The following THSD7B variants were observed in gnomAD, a reference collection of about 807,000 sequenced individuals.
THSD7B encodes the protein thrombospondin type-1 domain-containing protein 7B.
THSD7B carries 138 observed loss-of-function variants against 213.6 expected under a neutral mutation model. The ratio of observed to expected loss-of-function variants is 0.65; its 90% CI spans 0.56 to 0.74. The LOEUF (loss-of-function observed/expected upper bound fraction) is 0.74. THSD7B is among the 30% of genes least tolerant of loss of function. THSD7B has a pLI of 0.00. For missense variants in THSD7B, 1,931 were observed against 1,991.5 expected, an observed-to-expected ratio of 0.97 and a Z score of 0.58; for synonymous variants, 742 against 687.0, an observed-to-expected ratio of 1.08 and a Z score of -1.25.
chr2:136,962,834 A>T (rs140383259), intron 2 of THSD7B, among the ~76,000 whole-genome samples: 1 of 152,342 alleles, frequency 6.6e-6, no homozygotes, highest in Non-Finnish European at 1.5e-5. Context: ...AGGAATTAGA[A>T]GTTTGTGGGG....
chr2:137,050,679 T>C (rs1687055299), intron 2 of THSD7B, among the ~76,000 whole-genome samples: 1 of 152,232 alleles, frequency 6.6e-6, no homozygotes, highest in Admixed American at 6.5e-5. Context: ...CTGTTGAATT[T>C]TTCTGAGATT....
At chr2:137,318,784 A>ATTTT (rs1207683647) in intron 12 of THSD7B, among the ~76,000 whole-genome samples, 2 of 81,424 alleles carry the variant, frequency 2.5e-5, no homozygotes, top group African/African-American at 7.6e-5. Context: ...AGGAATGCTT[A>ATTTT]TCTTTTTTTT....
intron 16 of THSD7B, among the ~76,000 whole-genome samples, chr2:137,564,904 A>G (rs79017309): frequency 0.023 from 3,566 of 152,284 alleles, 126 homozygotes; most frequent in African/African-American, 0.08. Context: ...TGTCTAAGTT[A>G]GAACCCTCAG....
chr2:137,460,007 C>T (rs1687853894), intron 15 of THSD7B, among the ~76,000 whole-genome samples: 1 of 152,140 alleles, frequency 6.6e-6, no homozygotes, highest in African/African-American at 2.4e-5. Context: ...CATGGAAAAA[C>T]TTTTCTCTGC....
At chr2:137,588,135 G>C (rs759570518) in intron 17 of THSD7B, among the ~76,000 whole-genome samples, 1 of 152,226 alleles carries the variant, frequency 6.6e-6, no homozygotes, top group Non-Finnish European at 1.5e-5. Context: ...CTCCGAGCCA[G>C]GCACGGGATA....
intron 2 of THSD7B, among the ~76,000 whole-genome samples, chr2:137,049,078 A>G (rs1573788921): frequency 1.3e-5 from 2 of 152,246 alleles, no homozygotes; most frequent in African/African-American, 2.4e-5. Context: ...TTGTAAGTAA[A>G]GTCAAAGTTG....
intron 2 of THSD7B, among the ~76,000 whole-genome samples, chr2:136,959,129 T>C (rs1685177355): frequency 6.6e-6 from 1 of 152,224 alleles, no homozygotes; most frequent in Non-Finnish European, 1.5e-5. Context: ...GGTTAGACAC[T>C]ACCTAGGGAT....
intron 21 of THSD7B, among the ~76,000 whole-genome samples, chr2:137,648,935 T>C (rs1009064169): frequency 1.3e-5 from 2 of 152,236 alleles, no homozygotes; most frequent in Non-Finnish European, 2.9e-5. Flanking sequence ...CATCTATTAT[T>C]ACCTGTCTTT....
At chr2:137,314,820 G>A (rs939698352) in intron 12 of THSD7B, among the ~76,000 whole-genome samples, 79 of 152,324 alleles carry the variant, frequency 5.2e-4, no homozygotes, top group African/African-American at 1.7e-3. Context: ...AGGCTGCTCG[G>A]GGGTCAGGGG....
At chr2:137,674,205 C>A (rs796700661) in intron 27 of THSD7B, among the ~76,000 whole-genome samples, 2 of 152,258 alleles carry the variant, frequency 1.3e-5, no homozygotes, top group African/African-American at 4.8e-5. Context: ...TTCTCCTTGC[C>A]CAGTGGCCTT....
chr2:137,591,803 A>G (rs72844531), intron 17 of THSD7B, among the ~76,000 whole-genome samples: 11,590 of 151,918 alleles, frequency 0.076, 664 homozygotes, highest in Non-Finnish European at 0.12. Context: ...ATGTTTGTTT[A>G]TATAATGTTC....
chr2:137,546,478 AATATAT>A lies in THSD7B; in HGVS notation c.3139-16730_3139-16725del, dbSNP rs369894283. On this transcript the variant is annotated intron_variant, in intron 15 of 27. Transcript: ENST00000409968. ...TATTATATATAATATATATATATAT[AATATAT>A]ATATATATATATTAACATACCTATT... is the stretch of plus-strand genomic sequence containing the variant. Among the ~76,000 whole-genome samples the A allele has an allele frequency of 1.8e-4, 10 of 55,640 alleles. 2 individuals are homozygous for A. In the Admixed American group the frequency reaches 2.4e-3, roughly 13 times the overall value. 36.5% of individuals were successfully genotyped at this position (55,640 alleles called of 152,430 possible).
At chr2:137,351,180 C>A (rs1014080299) in intron 12 of THSD7B, among the ~76,000 whole-genome samples, 1 of 151,726 alleles carries the variant, frequency 6.6e-6, no homozygotes, top group East Asian at 1.9e-4. Context: ...TGAAGAACTT[C>A]AACATTTAAA....
intron 17 of THSD7B, among the ~76,000 whole-genome samples, chr2:137,598,254 A>T (rs943061803): frequency 6.6e-6 from 1 of 152,214 alleles, no homozygotes; most frequent in East Asian, 1.9e-4. Context: ...GAAGTTGCCA[A>T]TATGCTAAGA....
At chr2:137,254,836 A>G (rs1331499365) in intron 10 of THSD7B, among the ~76,000 whole-genome samples, 5 of 152,098 alleles carry the variant, frequency 3.3e-5, no homozygotes, top group Non-Finnish European at 7.4e-5. Context: ...TATGAATTTT[A>G]TAAACAGAAG....
At chr2:137,185,234 T>C (rs777662486) in intron 7 of THSD7B, among the ~76,000 whole-genome samples, 2 of 151,660 alleles carry the variant, frequency 1.3e-5, no homozygotes, top group Non-Finnish European at 2.9e-5. Flanking sequence ...TGCAAAGTTA[T>C]ATCTCTAGTG....
intron 15 of THSD7B, among the ~76,000 whole-genome samples, chr2:137,471,500 C>T (rs1041384705): frequency 7.2e-5 from 11 of 151,984 alleles, no homozygotes; most frequent in Admixed American, 2.6e-4. Flanking sequence ...CTGTGGTTTG[C>T]ACTTCTGCTT....
chr2:137,389,402 ATTTTTTTT>A (rs70978214), intron 12 of THSD7B, among the ~76,000 whole-genome samples: 5 of 38,052 alleles, frequency 1.3e-4, no homozygotes, highest in African/African-American at 3.5e-4. Context: ...TCTTAATGTG[ATTTTTTTT>A]TTTTTTTTTT....
intron 7 of THSD7B, among the ~76,000 whole-genome samples, chr2:137,171,891 G>T (rs943967140): frequency 6.6e-6 from 1 of 151,632 alleles, no homozygotes; most frequent in African/African-American, 2.4e-5. Flanking sequence ...TATAGATTTT[G>T]TCAGGTGATG....
Sources: gnomAD v4.1 joint callset for allele counts (sites outside exome capture counted in the v4.1 genomes callset) on GRCh38, gnomAD v4.1.1 for gene constraint, MANE v1.5 for transcripts, NCBI Gene and HGNC (gene_info 2026-07-23, HGNC 2026-07-21) for gene names.